MDGA2: variants seen among roughly 807,000 people sequenced by gnomAD.
The protein encoded by MDGA2 is MAM domain containing glycosylphosphatidylinositol anchor 2, also known as MAM domain-containing glycosylphosphatidylinositol anchor protein 2.
Under a neutral mutation model 117.8 loss-of-function variants are expected in MDGA2, and 40 were observed. The ratio of observed to expected loss-of-function variants is 0.34; its 90% confidence interval spans 0.26 to 0.44. The LOEUF is 0.44. Among genes scored for constraint, MDGA2 ranks in the 20% least tolerant of loss-of-function variants. The pLI, the probability that MDGA2 is intolerant of heterozygous loss-of-function variation, is 1.00. For synonymous variants in MDGA2, 452 were observed against 439.0 expected (o/e 1.03, Z -0.37); for missense variants, 1,123 against 1,250.6 (o/e 0.90, Z 1.54).
chr14:47,632,114 TC>T (rs1240923889), intron 1 of MDGA2, among the ~76,000 whole-genome samples: 1 of 152,176 alleles, frequency 6.6e-6, no homozygotes, highest in Non-Finnish European at 1.5e-5. Context: ...CCCTGTTTAA[TC>T]TTTCTTGAAC....
At chr14:47,511,016 T>C (rs1463001666) in intron 1 of MDGA2, among the ~76,000 whole-genome samples, 1 of 152,236 alleles carries the variant, frequency 6.6e-6, no homozygotes, top group Non-Finnish European at 1.5e-5. Flanking sequence ...AACTTTATTA[T>C]GGCAGATATT....
chr14:47,117,780 A>T (rs1448325695), intron 5 of MDGA2, among the ~76,000 whole-genome samples: 1 of 152,196 alleles, frequency 6.6e-6, no homozygotes, highest in Non-Finnish European at 1.5e-5. Flanking sequence ...TTACTAATCA[A>T]CAGGCATAAA....
intron 5 of MDGA2, among the ~76,000 whole-genome samples, chr14:47,118,233 A>G (rs1008192208): frequency 3.9e-5 from 6 of 152,210 alleles, no homozygotes; most frequent in African/African-American, 1.4e-4. Flanking sequence ...CATTCAGAGC[A>G]GATTGTTGCC....
At chr14:47,177,507 T>C (rs1172219943) in intron 3 of MDGA2, among the ~76,000 whole-genome samples, 2 of 152,176 alleles carry the variant, frequency 1.3e-5, no homozygotes, top group Non-Finnish European at 2.9e-5. Flanking sequence ...TGTAGGGACA[T>C]GGATGAAATT....
chr14:47,209,265 C>G (rs564367296), intron 3 of MDGA2, among the ~76,000 whole-genome samples: 1 of 152,036 alleles, frequency 6.6e-6, no homozygotes, highest in Non-Finnish European at 1.5e-5. Flanking sequence ...ACCAGTAGTT[C>G]GAGTAGAGTG....
chr14:46,950,884 A>AG (rs1416200423), intron 9 of MDGA2, among the ~76,000 whole-genome samples: 1 of 152,084 alleles, frequency 6.6e-6, no homozygotes, highest in African/African-American at 2.4e-5. Flanking sequence ...CCAAATTTAA[A>AG]AAAAAAAGAT....
intron 1 of MDGA2, among the ~76,000 whole-genome samples, chr14:47,612,632 T>C (rs1896872887): frequency 1.3e-5 from 2 of 152,156 alleles, no homozygotes; most frequent in Non-Finnish European, 2.9e-5. Context: ...GAGAAACTAT[T>C]TGGGTATGCT....
chr14:47,014,752 C>T (rs1888020948), intron 8 of MDGA2, among the ~76,000 whole-genome samples: 1 of 152,218 alleles, frequency 6.6e-6, no homozygotes, highest in South Asian at 2.1e-4. Flanking sequence ...CAGGTTTGAT[C>T]TTCTATCCAG....
chr14:46,885,592 G>T (rs908263632), intron 10 of MDGA2, among the ~76,000 whole-genome samples: 1 of 152,148 alleles, frequency 6.6e-6, no homozygotes, highest in African/African-American at 2.4e-5. Flanking sequence ...GTAAAACAAT[G>T]AGAATCTTTG....
intron 2 of MDGA2, among the ~76,000 whole-genome samples, chr14:47,227,619 T>A (rs1392169972): frequency 3.3e-5 from 5 of 151,996 alleles, no homozygotes; most frequent in Admixed American, 6.6e-5. Flanking sequence ...ACTTGGTATC[T>A]CCAGCCCAAA....
intron 1 of MDGA2, among the ~76,000 whole-genome samples, chr14:47,542,238 T>C (rs910994003): frequency 2.6e-5 from 4 of 152,240 alleles, no homozygotes; most frequent in Non-Finnish European, 5.9e-5. Flanking sequence ...TGTTCCATGA[T>C]TCTGCGACTA....
intron 4 of MDGA2, among the ~76,000 whole-genome samples, chr14:47,132,961 G>A (rs1009963060): frequency 6.6e-6 from 1 of 151,710 alleles, no homozygotes; most frequent in African/African-American, 2.4e-5. Context: ...TTGCAAGAAA[G>A]CTTACCCAGA....
At chr14:47,629,569 G>GT (rs1388414272) in intron 1 of MDGA2, among the ~76,000 whole-genome samples, 4 of 152,186 alleles carry the variant, frequency 2.6e-5, no homozygotes, top group South Asian at 4.1e-4. Flanking sequence ...GAATGAAGTT[G>GT]TAACTAGTTC....
chr14:46,999,287 T>A (rs982916243), intron 8 of MDGA2, among the ~76,000 whole-genome samples: 5 of 151,394 alleles, frequency 3.3e-5, no homozygotes, highest in Admixed American at 6.6e-5. Context: ...GTAATAAATT[T>A]AAAAAAAAAT....
At chr14:47,409,788 C>G (rs899902010) in intron 1 of MDGA2, among the ~76,000 whole-genome samples, 3 of 152,114 alleles carry the variant, frequency 2.0e-5, no homozygotes, top group African/African-American at 7.2e-5. Flanking sequence ...AGCAGAAAGA[C>G]AGTCAATTTG....
chr14:47,416,193 G>A (rs771462196), intron 1 of MDGA2, among the ~76,000 whole-genome samples: 7 of 152,072 alleles, frequency 4.6e-5, no homozygotes, highest in Non-Finnish European at 8.8e-5. Flanking sequence ...TTCATCCTGA[G>A]GGAAATTGAT....
intron 2 of MDGA2, among the ~76,000 whole-genome samples, chr14:47,284,122 T>C (rs1023845540): frequency 3.3e-5 from 5 of 152,090 alleles, no homozygotes; most frequent in African/African-American, 1.2e-4. Flanking sequence ...AAATAAAAGT[T>C]TCATCAAAAT....
chr14:47,627,935 C>A (rs773384734), intron 1 of MDGA2, among the ~76,000 whole-genome samples: 1 of 152,132 alleles, frequency 6.6e-6, no homozygotes, highest in Non-Finnish European at 1.5e-5. Context: ...GAACGAACTC[C>A]GGACACGCCA....
chr14:47,013,154 G>C (rs1359087792), intron 8 of MDGA2, among the ~76,000 whole-genome samples: 1 of 152,120 alleles, frequency 6.6e-6, no homozygotes, highest in Non-Finnish European at 1.5e-5. Context: ...AAGCATGTCT[G>C]GTGTTTGATA....
Sources: allele counts gnomAD v4.1 joint callset (sites outside exome capture counted in the v4.1 genomes callset), GRCh38; gene constraint gnomAD v4.1.1; transcripts MANE v1.5; gene names NCBI Gene and HGNC (gene_info 2026-07-23, HGNC 2026-07-21).